ANAPC1: variants seen among roughly 807,000 people sequenced by gnomAD.
The protein encoded by ANAPC1 is anaphase-promoting complex subunit 1.
A neutral mutation model predicts 208.0 loss-of-function variants in ANAPC1; 36 were observed. The ratio of observed to expected loss-of-function variants is 0.17; its 90% CI spans 0.13 to 0.23. The LOEUF (loss-of-function observed/expected upper bound fraction) is 0.23, where lower values mean the gene tolerates loss of function less well. Ranked by LOEUF, ANAPC1 falls within the 10% of genes least tolerant of loss-of-function variation. The probability of loss-of-function intolerance (pLI) is 1.00; values close to 1 mark genes in which losing one functional copy is unlikely to be tolerated. For missense variants in ANAPC1, 942 were observed against 2,011.6 expected (o/e 0.47, Z 10.17); for synonymous variants, 378 against 695.2 (o/e 0.54, Z 7.18).
At chr2:111,767,412 A>T (rs1367798019), downstream of ANAPC1, among the ~76,000 whole-genome samples, 3 of 148,268 alleles carry the variant, frequency 2.0e-5, no homozygotes, top group Admixed American at 1.3e-4. Flanking sequence ...AGGCCCCAAA[A>T]ATAGCTGCAA....
chr2:111,771,329 A>G (rs544112270), intron 47 of ANAPC1, among the ~76,000 whole-genome samples: 2 of 151,900 alleles, frequency 1.3e-5, no homozygotes, highest in African/African-American at 4.8e-5. Flanking sequence ...TATGAAGGCT[A>G]AAATATCATT....
chr2:111,775,831 ATG>A (rs1402716010), intron 46 of ANAPC1, among the ~76,000 whole-genome samples: 1 of 152,242 alleles, frequency 6.6e-6, no homozygotes, highest in African/African-American at 2.4e-5. Flanking sequence ...TTGAAATAAC[ATG>A]TTTTTCCCCA....
intron 6 of ANAPC1, among the ~76,000 whole-genome samples, chr2:111,871,981 A>G (rs979186726): frequency 6.6e-5 from 10 of 152,098 alleles, no homozygotes; most frequent in Non-Finnish European, 1.0e-4. Flanking sequence ...GATGTCCTTT[A>G]TTTCTTTCAC....
intron 39 of ANAPC1, among the ~76,000 whole-genome samples, chr2:111,787,088 G>T (rs1377357487): frequency 6.9e-6 from 1 of 145,088 alleles, no homozygotes; most frequent in African/African-American, 2.5e-5. Context: ...GGCGGAGCTT[G>T]CAGTGACCCG....
Position 111,848,313 on chromosome 2 carries a change from G to A in ANAPC1, c.1651-448C>T, listed in dbSNP as rs554895236. ...CCAAGATCTAGGAGAGAAGGCAACT[G>A]CAGGGAAAGGGGCCAACGTTCTTGG... On this transcript the variant is annotated intron_variant, in intron 14 of 47. Coordinates refer to ENST00000341068, the MANE Select transcript of ANAPC1 (RefSeq NM_022662.4). 2.7e-3 allele frequency among the ~76,000 whole-genome samples: 411 copies of A among 151,438 alleles called. 2 individuals carry two copies. The highest frequency in any genetic ancestry group is 9.4e-3 in the African/African-American group (387 of 41,326).
At chr2:111,837,665 T>C (rs1191611912) in intron 18 of ANAPC1, among the ~76,000 whole-genome samples, 1 of 151,828 alleles carries the variant, frequency 6.6e-6, no homozygotes, top group East Asian at 1.9e-4. Context: ...ATATTGTGTG[T>C]CTTTATAGGA....
chr2:111,821,480 T>C (rs1679531441), intron 25 of ANAPC1, 27 bp from the exon 26 acceptor site: 1 of 1,442,212 alleles, frequency 6.9e-7, no homozygotes, highest in Non-Finnish European at 9.7e-7. Context: ...ATTGTAATAA[T>C]AATTTCAAAA....
intron 45 of ANAPC1, among the ~76,000 whole-genome samples, 158 bp from the exon 46 acceptor site, chr2:111,777,215 C>T (rs1006750493): frequency 1.3e-5 from 2 of 152,080 alleles, no homozygotes; most frequent in Non-Finnish European, 2.9e-5. Flanking sequence ...ACAGAGGAGC[C>T]GTCACTGGGT....
chr2:111,856,084 A>C (rs1324700014), intron 13 of ANAPC1, among the ~76,000 whole-genome samples: 2 of 152,096 alleles, frequency 1.3e-5, no homozygotes, highest in Non-Finnish European at 2.9e-5. Flanking sequence ...AAATACAAAA[A>C]ATTAGCCAGG....
chr2:111,810,979 T>C (rs1164888947), intron 28 of ANAPC1, among the ~76,000 whole-genome samples: 3 of 151,064 alleles, frequency 2.0e-5, no homozygotes, highest in Admixed American at 6.6e-5. Flanking sequence ...TTAAGAGCAA[T>C]GGTCGATCCC....
chr2:111,851,433 G>A (rs1681389875), intron 13 of ANAPC1, among the ~76,000 whole-genome samples: 2 of 151,914 alleles, frequency 1.3e-5, no homozygotes, highest in East Asian at 1.9e-4. Flanking sequence ...TGCAGGCAAG[G>A]AGAGGAATGT....
chr2:111,832,577 T>C (rs1170772039), intron 20 of ANAPC1, among the ~76,000 whole-genome samples: 1 of 152,144 alleles, frequency 6.6e-6, no homozygotes, highest in East Asian at 1.9e-4. Context: ...TTTATTTTAA[T>C]TGAATTTAAG....
chr2:111,831,317 C>T lies in ANAPC1; in HGVS notation c.2594G>A (p.Gly865Glu), dbSNP rs146886563. The change falls in exon 21 of 48, where the codon GGA (glycine) becomes GAA (glutamate). Residue 865 changes from glycine (G) to glutamate (E), a missense_variant. Physicochemically the swap from Gly to Glu is moderately conservative, Grantham distance 98. Coordinates refer to ENST00000341068, the MANE Select transcript of ANAPC1 (RefSeq NM_022662.4). ...EGMPPYPYLP[G>E]ICERSRLVVL... is the part of the protein sequence containing the mutation. ...TACAAGTCTGCTTCTTTCACAGATTCCAGGGAGGTAAGGATAAGGTGGCAT... is the reference window on the plus strand; with the variant it reads ...TACAAGTCTGCTTCTTTCACAGATTTCAGGGAGGTAAGGATAAGGTGGCAT... 7.4e-5 allele frequency: 119 copies of T among 1,611,660 alleles called. No homozygotes were observed. The highest frequency in any genetic ancestry group is 9.4e-5 in the Non-Finnish European group (111 of 1,179,772).
At chr2:111,870,872 G>A (rs1397424153) in intron 6 of ANAPC1, among the ~76,000 whole-genome samples, 1 of 152,062 alleles carries the variant, frequency 6.6e-6, no homozygotes, top group African/African-American at 2.4e-5. Flanking sequence ...TGTATAAGGT[G>A]AGAGATAAAA....
chr2:111,838,749 G>A (rs1680608648), intron 17 of ANAPC1, among the ~76,000 whole-genome samples: 2 of 152,174 alleles, frequency 1.3e-5, no homozygotes, highest in Admixed American at 6.5e-5. Context: ...GGCTTCTAAG[G>A]ACTGATTTTA....
chr2:111,829,792 G>A (rs768985126), intron 21 of ANAPC1, among the ~76,000 whole-genome samples: 3 of 152,006 alleles, frequency 2.0e-5, no homozygotes, highest in Non-Finnish European at 2.9e-5. Context: ...AGTATGGGAC[G>A]GGCACGGTGG....
rs986800222 is a variant in ANAPC1 at position 111,804,459 on chromosome 2, C to A, written c.3925-620G>T. On this transcript the variant is annotated intron_variant, in intron 30 of 47. Coordinates refer to ENST00000341068, the MANE Select transcript of ANAPC1 (RefSeq NM_022662.4). ...TAATGTAGTTAAATGACTTGAATCA[C>A]TAGTTAGGACCAGAATTCAAGTTGC... 2.5e-5 allele frequency among the ~76,000 whole-genome samples: 3 copies of A among 122,388 alleles called. No individual in the cohort carries two copies. In the Admixed American group the frequency reaches 2.7e-4, roughly 11 times the overall value. 80.3% of individuals were successfully genotyped at this position (122,388 alleles called of 152,430 possible).
intron 13 of ANAPC1, among the ~76,000 whole-genome samples, chr2:111,856,100 TGGCAGGCG>T (rs1035786800): frequency 2.0e-5 from 3 of 152,096 alleles, no homozygotes; most frequent in African/African-American, 7.2e-5. Context: ...CCAGGCGTGG[TGGCAGGCG>T]CCTATAGTCC....
intron 21 of ANAPC1, among the ~76,000 whole-genome samples, chr2:111,829,725 G>GA (rs1680030745): frequency 6.6e-6 from 1 of 152,074 alleles, no homozygotes; most frequent in African/African-American, 2.4e-5. Context: ...AGTGTTTCTT[G>GA]AAAAAAATTT....
Sources: gnomAD v4.1 joint callset for allele counts (sites outside exome capture counted in the v4.1 genomes callset) on GRCh38, gnomAD v4.1.1 for gene constraint, MANE v1.5 for transcripts, NCBI Gene and HGNC (gene_info 2026-07-23, HGNC 2026-07-21) for gene names.